The following PDE1C variants were observed in gnomAD, a reference collection of about 807,000 sequenced individuals.
The protein encoded by PDE1C is dual specificity calcium/calmodulin-dependent 3',5'-cyclic nucleotide phosphodiesterase 1C.
In PDE1C, 62 loss-of-function variants were observed where a neutral mutation model predicts 93.1. The observed-to-expected ratio is 0.67, with a 90% CI of 0.54 to 0.82. The LOEUF (loss-of-function observed/expected upper bound fraction) is 0.82. Ranked by LOEUF, PDE1C falls within the 40% of genes least tolerant of loss-of-function variation. PDE1C has a pLI of 0.00. For missense variants in PDE1C, 742 were observed against 884.6 expected, an observed-to-expected ratio of 0.84 and a Z score of 2.04; for synonymous variants, 325 against 310.1, an observed-to-expected ratio of 1.05 and a Z score of -0.50.
chr7:31,775,112 GA>G, intron 17 of PDE1C, among the ~76,000 whole-genome samples: 1 of 152,302 alleles, frequency 6.6e-6, no homozygotes, highest in East Asian at 1.9e-4. Flanking sequence ...CAGTACATGT[GA>G]GATTGGGTCG....
the PDE1C span, among the ~76,000 whole-genome samples, chr7:31,626,106 CA>C: frequency 6.6e-6 from 1 of 151,988 alleles, no homozygotes; most frequent in Non-Finnish European, 1.5e-5. Context: ...GTAAACTTGG[CA>C]AAAACATGTT....
At chr7:32,375,666 A>C (rs1445474882) in intron 1 of PDE1C, among the ~76,000 whole-genome samples, 1 of 152,218 alleles carries the variant, frequency 6.6e-6, no homozygotes, top group Non-Finnish European at 1.5e-5. Flanking sequence ...CGTTCTCAGA[A>C]AAGCCTTGAA....
In PDE1C at chr7:32,231,588, G is replaced by A. The variant is rs187550716; in HGVS notation, c.86-22049C>T. 2.1e-3 allele frequency among the ~76,000 whole-genome samples: 322 copies of A among 152,230 alleles called. 1 individual carries two copies. Among genetic ancestry groups the A allele is most frequent in the Admixed American group, 5.6e-3 (85 of 15,290 alleles). Reference sequence around the variant, plus strand: ...CCAATCCAGATAGTTTTACAATCAAGTTCTATTAAACATTCAAGGTACAGA... The same window carrying A: ...CCAATCCAGATAGTTTTACAATCAAATTCTATTAAACATTCAAGGTACAGA... On this transcript the variant is annotated intron_variant, in intron 1 of 18. Transcript: ENST00000396193.
At chr7:32,206,670 C>G (rs1268699558) in intron 2 of PDE1C, among the ~76,000 whole-genome samples, 1 of 152,174 alleles carries the variant, frequency 6.6e-6, no homozygotes, top group Non-Finnish European at 1.5e-5. Context: ...TTCCATGCGG[C>G]ACCCATGTGA....
chr7:32,101,762 C>T (rs1306569039), intron 3 of PDE1C, among the ~76,000 whole-genome samples: 1 of 152,162 alleles, frequency 6.6e-6, no homozygotes, highest in Non-Finnish European at 1.5e-5. Context: ...TTTATAGTGA[C>T]ACAAACAGAC....
At chr7:31,975,704 C>T (rs1304612036) in intron 2 of PDE1C, among the ~76,000 whole-genome samples, 1 of 152,198 alleles carries the variant, frequency 6.6e-6, no homozygotes, top group African/African-American at 2.4e-5. Context: ...CACATAATTT[C>T]CTCATCTGTA....
In PDE1C at chr7:32,136,676, G is replaced by A. The variant is rs553261016; in HGVS notation, c.308+33109C>T. On this transcript the variant is annotated intron_variant, in intron 3 of 18. Transcript: ENST00000396193. ...ATATTTAGTTATAAAGGCAGAAGGGGCCAAAACAGGCATGTACCAATAATG... is the reference window on the plus strand; with the variant it reads ...ATATTTAGTTATAAAGGCAGAAGGGACCAAAACAGGCATGTACCAATAATG... Among the ~76,000 whole-genome samples, 37 of 152,240 alleles carry A rather than the reference G, an allele frequency of 2.4e-4. 1 individual carries two copies. In the South Asian group the frequency reaches 4.4e-3, roughly 18 times the overall value.
intron 16 of PDE1C, among the ~76,000 whole-genome samples, chr7:31,777,392 G>A (rs183001763): frequency 2.6e-5 from 4 of 151,984 alleles, no homozygotes; most frequent in Admixed American, 6.6e-5. Flanking sequence ...GCAGTGATGC[G>A]ATCTCGACTC....
rs185143459 is a variant in PDE1C at position 31,916,193 on chromosome 7, T to C, written c.129-35333A>G. On this transcript the variant is annotated intron_variant, in intron 2 of 17. Transcript: ENST00000396191. The stretch of plus-strand genomic sequence containing the variant: ...GGGTATCATGTACTGAACCTTGTTA[T>C]ATTATTAATACTATTACTATTGACT... 6.6e-5 allele frequency among the ~76,000 whole-genome samples: 10 copies of C among 152,256 alleles called. No homozygotes were observed. In the East Asian group the frequency reaches 1.9e-3, roughly 29 times the overall value.
At chr7:32,017,727 G>A (rs1363965908) in intron 2 of PDE1C, among the ~76,000 whole-genome samples, 2 of 152,022 alleles carry the variant, frequency 1.3e-5, no homozygotes, top group Non-Finnish European at 1.5e-5. Context: ...TACACAAATG[G>A]TTAATAAGCA....
intron 1 of PDE1C, among the ~76,000 whole-genome samples, chr7:32,314,473 G>A (rs1009357598): frequency 6.6e-6 from 1 of 152,134 alleles, no homozygotes; most frequent in Non-Finnish European, 1.5e-5. Flanking sequence ...CTTGCACAGC[G>A]ATAAGTCCCA....
At chr7:31,770,111 T>C (rs79259409) in intron 17 of PDE1C, among the ~76,000 whole-genome samples, 3,506 of 152,350 alleles carry the variant, frequency 0.023, 136 homozygotes, top group African/African-American at 0.079. Context: ...TCCTAGTGCA[T>C]GTGAAGTGGT....
chr7:32,158,983 C>T (rs1372938545), intron 3 of PDE1C, among the ~76,000 whole-genome samples: 1 of 152,216 alleles, frequency 6.6e-6, no homozygotes, highest in African/African-American at 2.4e-5. Flanking sequence ...GTTCCTCTCT[C>T]CTGGCCCTGG....
intron 1 of PDE1C, among the ~76,000 whole-genome samples, chr7:32,419,470 C>G (rs1393107005): frequency 6.6e-6 from 1 of 152,158 alleles, no homozygotes; most frequent in Non-Finnish European, 1.5e-5. Flanking sequence ...AGAGTGAGCC[C>G]TTGGGGTATG....
intron 1 of PDE1C, among the ~76,000 whole-genome samples, chr7:32,222,484 G>A (rs966489470): frequency 6.6e-6 from 1 of 152,184 alleles, no homozygotes; most frequent in Non-Finnish European, 1.5e-5. Flanking sequence ...CATGCTGCTA[G>A]GAACTGTCCT....
At chr7:32,416,866 T>C (rs1465452709) in intron 1 of PDE1C, among the ~76,000 whole-genome samples, 17 of 152,066 alleles carry the variant, frequency 1.1e-4, no homozygotes, top group Non-Finnish European at 2.9e-5. Flanking sequence ...GGGTATCATC[T>C]CAGTATGAGG....
chr7:31,987,963 C>A (rs1400068543), intron 2 of PDE1C, among the ~76,000 whole-genome samples: 5 of 152,164 alleles, frequency 3.3e-5, no homozygotes, highest in Non-Finnish European at 5.9e-5. Context: ...GGCTCTCTGG[C>A]CCTCTGGCTT....
intron 15 of PDE1C, among the ~76,000 whole-genome samples, chr7:31,810,972 C>A (rs1034963081): frequency 1.3e-5 from 2 of 152,098 alleles, no homozygotes; most frequent in South Asian, 4.1e-4. Context: ...AGTCAATAAA[C>A]TCTTCAGGTT....
At chr7:32,289,817 C>A (rs895561925) in intron 1 of PDE1C, among the ~76,000 whole-genome samples, 1 of 152,214 alleles carries the variant, frequency 6.6e-6, no homozygotes, top group African/African-American at 2.4e-5. Context: ...CCTCCCCAAG[C>A]CCGTGGAATC....
Sources: allele counts gnomAD v4.1 joint callset (sites outside exome capture counted in the v4.1 genomes callset), GRCh38; gene constraint gnomAD v4.1.1; transcripts MANE v1.5; gene names NCBI Gene and HGNC (gene_info 2026-07-23, HGNC 2026-07-21).